Variants in BTK observed in about 807,000 individuals in gnomAD.
The protein encoded by BTK is Bruton tyrosine kinase.
Under a neutral mutation model 57.4 loss-of-function variants are expected in BTK, and 5 were observed. The observed-to-expected ratio is 0.09, with a 90% CI of 0.05 to 0.18. BTK has a LOEUF of 0.18. Among genes scored for constraint, BTK ranks in the 10% least tolerant of loss-of-function variants. BTK has a pLI of 1.00. For missense variants in BTK, 194 were observed against 501.2 expected (o/e 0.39, Z 5.85); for synonymous variants, 154 against 174.3 (o/e 0.88, Z 0.92).
intron 1 of BTK, among the ~76,000 whole-genome samples, chrX:101,383,200 G>A (rs782380124): frequency 6.2e-4 from 68 of 110,365 alleles, no homozygotes; most frequent in South Asian, 1.1e-3. Context: ...CCTATTTTTC[G>A]TAACATCTAT....
intron 9 of BTK, among the ~76,000 whole-genome samples, 194 bp downstream of exon 9, chrX:101,359,894 C>T (rs143542741): frequency 9.6e-6 from 1 of 104,221 alleles, no homozygotes; most frequent in South Asian, 4.2e-4. Context: ...TATATATATA[C>T]ACACTTGTGT....
chrX:101,387,624 T>C (rs1414114217), upstream of BTK, among the ~76,000 whole-genome samples: 1 of 110,140 alleles, frequency 9.1e-6, no homozygotes, highest in Non-Finnish European at 1.9e-5. Context: ...AATGCAGGGA[T>C]TACAGGAGTG....
chrX:101,389,228 A>G (rs1162495267), upstream of BTK, among the ~76,000 whole-genome samples: 2 of 111,754 alleles, frequency 1.8e-5, no homozygotes, highest in Non-Finnish European at 3.8e-5. Flanking sequence ...ATCATGTTGT[A>G]CACCTTGAAT....
chrX:101,365,815 A>G (rs1216285963), intron 5 of BTK, among the ~76,000 whole-genome samples: 4 of 112,110 alleles, frequency 3.6e-5, no homozygotes, highest in African/African-American at 1.3e-4. Context: ...CCAAAGATTC[A>G]AGAATAAGTA....
At chrX:101,361,512 CAAA>C (rs374694373) in intron 7 of BTK, among the ~76,000 whole-genome samples, 2 of 70,688 alleles carry the variant, frequency 2.8e-5, no homozygotes, top group Non-Finnish European at 3.1e-5. Context: ...AAGAAGGAAC[CAAA>C]AAAAAAAAAA....
intron 7 of BTK, among the ~76,000 whole-genome samples, chrX:101,361,320 C>T (rs1328153791): frequency 1.8e-5 from 2 of 111,383 alleles, no homozygotes; most frequent in Non-Finnish European, 3.8e-5. Context: ...CCAAACATTA[C>T]TATTTTTAAA....
chrX:101,354,721 A>T, intron 15 of BTK, 27 bp from the exon 16 acceptor site: 1 of 1,194,147 alleles, frequency 8.4e-7, no homozygotes, highest in Non-Finnish European at 1.1e-6. Context: ...GACCAGTGAG[A>T]CTCCGTCCCC....
Position 101,350,234 on chromosome X carries a change from ATGTAAC to A in BTK, c.1909-284_1909-279del, listed in dbSNP as rs1309472738. Among the ~76,000 whole-genome samples the A allele has an allele frequency of 2.7e-5, 3 of 110,924 alleles. No individual in the cohort carries two copies. The Admixed American group carries it at 2.9e-4, about 11-fold the overall frequency. ...GATCAAAATTGAGGGCAAGTTCATTATGTAACTGTATACAACACATTCTTATTTTGG... is the reference window on the plus strand; with the variant it reads ...GATCAAAATTGAGGGCAAGTTCATTATGTATACAACACATTCTTATTTTGG... On this transcript the variant is annotated intron_variant, in intron 18 of 18. Coordinates refer to ENST00000308731, the MANE Select transcript of BTK (RefSeq NM_000061.3).
At chrX:101,371,487 C>T (rs1416130768) in intron 4 of BTK, 146 bp downstream of exon 4, 30 of 557,609 alleles carry the variant, frequency 5.4e-5, no homozygotes, top group Non-Finnish European at 9.4e-5. Context: ...TAGCCCATGC[C>T]AGTCTCATTT....
At chrX:101,383,232 T>C (rs868916915) in intron 1 of BTK, among the ~76,000 whole-genome samples, 19 of 111,725 alleles carry the variant, frequency 1.7e-4, no homozygotes, top group Middle Eastern at 4.6e-3. Context: ...TGCATGTATG[T>C]ATGTATCTAT....
In BTK at chrX:101,360,021, A is replaced by AAT. The variant is rs199758498; in HGVS notation, c.839+65_839+66dup. 4,900 of 266,554 alleles carry AAT rather than the reference A, an allele frequency of 0.018. 193 individuals are homozygous for AAT. Among genetic ancestry groups the AAT allele is most frequent in the African/African-American group, 0.12 (3,667 of 30,429 alleles). 22.0% of individuals were successfully genotyped at this position (266,554 alleles called of 1,213,427 possible). ...TATATAAAATATATATAAATAAATA[A>AAT]ATATATATATATATAGAGAGAGAGA... is the stretch of plus-strand genomic sequence containing the variant. On this transcript the variant is annotated intron_variant, in intron 9 of 18. Coordinates refer to ENST00000308731, the MANE Select transcript of BTK (RefSeq NM_000061.3).
In BTK at chrX:101,375,278, C is replaced by T. The variant is rs368549990; in HGVS notation, c.7G>A (p.Ala3Thr). 16 of 1,209,919 alleles carry T rather than the reference C, an allele frequency of 1.3e-5. No individual in the cohort carries two copies. Among genetic ancestry groups the T allele is most frequent in the Middle Eastern group, 2.3e-4 (1 of 4,373 alleles). ...AGAAAGATGCTCTCCAGAATCACTG[C>T]GGCCATAGCTTCTTCTTTCTGGAGT... The part of the protein sequence containing the change: MA[A>T]VILESIFLKR... The change falls in exon 2 of 19, where the codon GCA (alanine) becomes ACA (threonine). Residue 3 changes from alanine (A) to threonine (T), a missense_variant. Ala to Thr is a moderately conservative substitution (Grantham distance 58). Transcript: ENST00000308731.
intron 5 of BTK, among the ~76,000 whole-genome samples, chrX:101,363,887 CATTATT>C (rs72240121): frequency 0.19 from 15,377 of 81,536 alleles, 1,403 homozygotes; most frequent in African/African-American, 0.22. Context: ...GAATCCCGCA[CATTATT>C]ATTATTATTA....
chrX:101,353,462 T>A, intron 17 of BTK, 111 bp from the exon 18 acceptor site: 1 of 859,119 alleles, frequency 1.2e-6, no homozygotes, highest in Non-Finnish European at 1.7e-6. Context: ...CCCCGCTCTG[T>A]GCTTTTTATA....
Position 101,358,533 on chromosome X carries a change from A to G in BTK, c.974+84T>C. On this transcript the variant is annotated intron_variant, in intron 11 of 18. Coordinates refer to ENST00000308731, the MANE Select transcript of BTK (RefSeq NM_000061.3). The stretch of plus-strand genomic sequence containing the variant: ...GAGTTTTGAGTTTCAGAGACAGAGG[A>G]AGTGGGACGGGCACAGCATCAAGGA... 3 of 1,178,136 alleles carry G rather than the reference A, an allele frequency of 2.5e-6. No individual in the cohort carries two copies. The East Asian group carries it at 8.9e-5, about 35-fold the overall frequency.
At chrX:101,357,408 T>C in intron 13 of BTK, 101 bp downstream of exon 13, 2 of 753,607 alleles carry the variant, frequency 2.7e-6, no homozygotes, top group Non-Finnish European at 4.2e-6. Flanking sequence ...AGGCAGCTGC[T>C]GCAGAACAGT....
At chrX:101,368,912 A>G (rs1433333260) in intron 5 of BTK, among the ~76,000 whole-genome samples, 2 of 112,134 alleles carry the variant, frequency 1.8e-5, no homozygotes, top group African/African-American at 6.5e-5. Flanking sequence ...AATGTTTATT[A>G]AGACAAAGGG....
chrX:101,375,984 G>T (rs959098065), intron 1 of BTK, among the ~76,000 whole-genome samples: 1 of 110,446 alleles, frequency 9.1e-6, no homozygotes, highest in African/African-American at 3.3e-5. Context: ...TGGTGGGGGG[G>T]GGGTAGTTGT....
chrX:101,361,143 G>A (rs1301569700), intron 7 of BTK, among the ~76,000 whole-genome samples: 10 of 109,795 alleles, frequency 9.1e-5, no homozygotes, highest in Non-Finnish European at 7.6e-5. Context: ...TTGACCCCAG[G>A]AGGCGGAGGT....
Sources: gnomAD v4.1 joint callset for allele counts (sites outside exome capture counted in the v4.1 genomes callset) on GRCh38, gnomAD v4.1.1 for gene constraint, MANE v1.5 for transcripts, NCBI Gene and HGNC (gene_info 2026-07-23, HGNC 2026-07-21) for gene names.